Variants in SLC35F1 observed in about 807,000 individuals in gnomAD.
SLC35F1 encodes chromosome 6 open reading frame 169.
Under a neutral mutation model 48.7 loss-of-function variants are expected in SLC35F1, and 14 were observed. The observed-to-expected ratio is 0.29, with a 90% confidence interval of 0.19 to 0.45. SLC35F1 has a LOEUF of 0.45. Among genes scored for constraint, SLC35F1 ranks in the 20% least tolerant of loss-of-function variants. The pLI, the probability that SLC35F1 is intolerant of heterozygous loss-of-function variation, is 1.00. For missense variants in SLC35F1, 404 were observed against 500.0 expected (o/e 0.81, Z 1.83); for synonymous variants, 190 against 202.2 (o/e 0.94, Z 0.51).
At chr6:118,154,115 C>T (rs908528914) in intron 1 of SLC35F1, among the ~76,000 whole-genome samples, 1 of 152,144 alleles carries the variant, frequency 6.6e-6, no homozygotes, top group Non-Finnish European at 1.5e-5. Flanking sequence ...TCTTTCCCCA[C>T]CCCCTTCCCA....
intron 1 of SLC35F1, among the ~76,000 whole-genome samples, chr6:118,040,916 T>C (rs1332287585): frequency 6.6e-6 from 1 of 151,988 alleles, no homozygotes; most frequent in Non-Finnish European, 1.5e-5. Flanking sequence ...CAAATAAACA[T>C]TTGTTGCACT....
chr6:118,048,950 C>A (rs939040383), intron 1 of SLC35F1, among the ~76,000 whole-genome samples: 1 of 152,180 alleles, frequency 6.6e-6, no homozygotes, highest in Non-Finnish European at 1.5e-5. Flanking sequence ...CTCACGCTAC[C>A]TGACTTCAAA....
chr6:118,316,444 A>G lies in SLC35F1; in HGVS notation c.*2192A>G, dbSNP rs1411053901. The G allele has an allele frequency of 2.0e-5, 3 of 152,568 alleles. No homozygotes were observed. Among genetic ancestry groups the G allele is most frequent in the African/African-American group, 7.2e-5 (3 of 41,412 alleles). The allele number at this position is 152,568 out of a possible 1,614,324, so 9.5% of individuals were successfully genotyped here. ...CATTCAGATCCGAAGACCTTTAAAGACTGTGGTTTTATTTTTGTGTTTACA... is the reference window on the plus strand; with the variant it reads ...CATTCAGATCCGAAGACCTTTAAAGGCTGTGGTTTTATTTTTGTGTTTACA... On this transcript the variant is annotated 3_prime_UTR_variant, in exon 8 of 8. Coordinates refer to ENST00000360388, the MANE Select transcript of SLC35F1 (RefSeq NM_001029858.4).
intron 1 of SLC35F1, among the ~76,000 whole-genome samples, chr6:118,151,351 A>G (rs1463123892): frequency 6.6e-6 from 1 of 152,096 alleles, no homozygotes; most frequent in African/African-American, 2.4e-5. Flanking sequence ...TGACCTCCCT[A>G]TCCCACTCTG....
chr6:118,150,471 T>C (rs1194664878), intron 1 of SLC35F1, among the ~76,000 whole-genome samples: 4 of 152,174 alleles, frequency 2.6e-5, no homozygotes, highest in African/African-American at 9.7e-5. Context: ...TGTCATTTAT[T>C]TGTGGTGTGA....
intron 1 of SLC35F1, among the ~76,000 whole-genome samples, chr6:118,149,673 C>T (rs180984701): frequency 9.9e-5 from 15 of 152,210 alleles, no homozygotes; most frequent in Admixed American, 5.2e-4. Context: ...ATTAGCATGA[C>T]GAATAAAACC....
At chr6:117,969,816 A>G (rs925263929) in intron 1 of SLC35F1, among the ~76,000 whole-genome samples, 2 of 152,204 alleles carry the variant, frequency 1.3e-5, no homozygotes, top group African/African-American at 4.8e-5. Context: ...TATTGTTAAT[A>G]TTTTATACCT....
intron 1 of SLC35F1, among the ~76,000 whole-genome samples, chr6:117,953,938 C>T (rs933033129): frequency 2.6e-5 from 4 of 152,154 alleles, no homozygotes; most frequent in African/African-American, 9.7e-5. Context: ...CCACCCAGGG[C>T]ATGTGGTCAA....
At chr6:118,132,119 ATAGT>A (rs1773722761) in intron 1 of SLC35F1, among the ~76,000 whole-genome samples, 1 of 152,184 alleles carries the variant, frequency 6.6e-6, no homozygotes, top group Admixed American at 6.6e-5. Context: ...ACCGAAGCAG[ATAGT>A]TAGAGGTCTT....
At chr6:118,274,492 G>C (rs1474671527) in intron 4 of SLC35F1, among the ~76,000 whole-genome samples, 1 of 152,100 alleles carries the variant, frequency 6.6e-6, no homozygotes, top group East Asian at 1.9e-4. Flanking sequence ...CACCTCCCGG[G>C]TTCTGAGGGA....
At chr6:118,272,729 A>ATGTGTGTGTG (rs61289426) in intron 4 of SLC35F1, among the ~76,000 whole-genome samples, 1 of 138,420 alleles carries the variant, frequency 7.2e-6, no homozygotes, top group African/African-American at 3.0e-5. Flanking sequence ...AAAAATATAT[A>ATGTGTGTGTG]TGTGTGTGTA....
intron 1 of SLC35F1, among the ~76,000 whole-genome samples, chr6:117,947,411 AC>A (rs1776308566): frequency 6.6e-6 from 1 of 152,136 alleles, no homozygotes; most frequent in Non-Finnish European, 1.5e-5. Flanking sequence ...TTTGGGTTTT[AC>A]TCCTAGCACA....
At chr6:117,947,763 A>G (rs1582579524) in intron 1 of SLC35F1, among the ~76,000 whole-genome samples, 2 of 152,268 alleles carry the variant, frequency 1.3e-5, no homozygotes, top group East Asian at 1.9e-4. Context: ...TTTGGAATGT[A>G]TAGTATGTAT....
At chr6:118,082,103 C>T (rs371631427) in intron 1 of SLC35F1, among the ~76,000 whole-genome samples, 2 of 152,270 alleles carry the variant, frequency 1.3e-5, no homozygotes. Context: ...ATATGAAATG[C>T]TTACATAGCT....
At chr6:118,020,977 C>T (rs1025835241) in intron 1 of SLC35F1, among the ~76,000 whole-genome samples, 4 of 152,036 alleles carry the variant, frequency 2.6e-5, no homozygotes, top group African/African-American at 9.7e-5. Context: ...AATGTATTGG[C>T]TCAGTAAAGT....
At chr6:118,178,623 C>T (rs1160429184) in intron 2 of SLC35F1, among the ~76,000 whole-genome samples, 1 of 152,020 alleles carries the variant, frequency 6.6e-6, no homozygotes, top group South Asian at 2.1e-4. Context: ...GGAGAAAATT[C>T]CTTACACTGA....
chr6:117,920,808 T>C (rs1469761805), intron 1 of SLC35F1, among the ~76,000 whole-genome samples: 2 of 152,140 alleles, frequency 1.3e-5, no homozygotes, highest in Non-Finnish European at 2.9e-5. Context: ...GGGTCATAAC[T>C]GTCTCTGGAA....
Position 118,303,865 on chromosome 6 carries a change from G to A in SLC35F1, c.1003-10163G>A, listed in dbSNP as rs59414622. On this transcript the variant is annotated intron_variant, in intron 7 of 7. Transcript: ENST00000360388. ...CCTTAATTACTTCCTTAAAGGCCCTGTCTCCAAGTACAACCATATTAGGGG... is the reference window on the plus strand; with the variant it reads ...CCTTAATTACTTCCTTAAAGGCCCTATCTCCAAGTACAACCATATTAGGGG... Among the ~76,000 whole-genome samples, 1,330 of 152,228 alleles carry A rather than the reference G, an allele frequency of 8.7e-3. 22 individuals are homozygous for A. Among genetic ancestry groups the A allele is most frequent in the African/African-American group, 0.031 (1,283 of 41,532 alleles).
intron 3 of SLC35F1, among the ~76,000 whole-genome samples, chr6:118,236,241 C>T (rs1445737025): frequency 6.6e-6 from 1 of 152,166 alleles, no homozygotes; most frequent in Admixed American, 6.5e-5. Flanking sequence ...CTCTTTCTCA[C>T]ATGAACACAC....
Sources: gnomAD v4.1 joint callset for allele counts (sites outside exome capture counted in the v4.1 genomes callset) on GRCh38, gnomAD v4.1.1 for gene constraint, MANE v1.5 for transcripts, NCBI Gene and HGNC (gene_info 2026-07-23, HGNC 2026-07-21) for gene names.